ADGRF1: variants seen among roughly 807,000 people sequenced by gnomAD.
The protein encoded by ADGRF1 is G protein-coupled receptor 110.
In ADGRF1, 85 loss-of-function variants were observed where a neutral mutation model predicts 87.2. The ratio of observed to expected loss-of-function variants is 0.97; its 90% CI spans 0.82 to 1.17. The LOEUF (loss-of-function observed/expected upper bound fraction) is 1.17, where lower values mean the gene tolerates loss of function less well. Ranked by LOEUF, ADGRF1 falls within the 50% of genes most tolerant of loss-of-function variation. ADGRF1 has a pLI of 0.00. For synonymous variants in ADGRF1, 430 were observed against 408.8 expected, an observed-to-expected ratio of 1.05 and a Z score of -0.63; for missense variants, 1,169 against 1,077.2, an observed-to-expected ratio of 1.09 and a Z score of -1.19.
chr6:47,017,112 A>G (rs1779908088), intron 7 of ADGRF1: 1 of 152,850 alleles, frequency 6.5e-6, no homozygotes, highest in Admixed American at 6.5e-5. Flanking sequence ...TGCAAAGAAC[A>G]CTGGTGTGGA....
chr6:47,024,113 C>T lies in ADGRF1; in HGVS notation c.382G>A (p.Gly128Arg), dbSNP rs1366393358. 1.2e-6 allele frequency: 2 copies of T among 1,614,108 alleles called. No homozygotes were observed. Among genetic ancestry groups the T allele is most frequent in the South Asian group, 1.1e-5 (1 of 91,068 alleles). Residue 128 changes from glycine to arginine, a missense_variant, in exon 5 of 15, where the codon GGA (glycine) becomes AGA (arginine). Transcript: ENST00000371253. ...TGACATTCACAGCTTGGGAGTGCTC[C>T]AGCCGTGTGAAGGTAGCAGTTCTGG... Reference protein sequence around the residue: ...DPQNCYLHTAGALPSCECHLN... With the variant: ...DPQNCYLHTARALPSCECHLN...
rs528859542 is a variant in ADGRF1, at chr6:47,033,986, G to T, written c.-43-4882C>A. On this transcript the variant is annotated intron_variant, in intron 1 of 14. Coordinates refer to ENST00000371253, the MANE Select transcript of ADGRF1 (RefSeq NM_153840.4). ...AAAGTCATTTAAAATCTCAGGGAAG[G>T]TCTATATATATGTGTGCACAGTAAA... 4.6e-5 allele frequency among the ~76,000 whole-genome samples: 7 copies of T among 152,310 alleles called. No individual in the cohort carries two copies. The South Asian group carries it at 1.5e-3, about 32-fold the overall frequency.
intron 1 of ADGRF1, among the ~76,000 whole-genome samples, chr6:47,038,379 C>T (rs1288126933): frequency 6.6e-6 from 1 of 152,148 alleles, no homozygotes; most frequent in African/African-American, 2.4e-5. Context: ...AGTTTGCCAA[C>T]TATTTTTCCC....
chr6:47,008,522 A>C (rs1277341936), intron 11 of ADGRF1, among the ~76,000 whole-genome samples: 1 of 152,230 alleles, frequency 6.6e-6, no homozygotes, highest in Non-Finnish European at 1.5e-5. Flanking sequence ...TTTATTTACA[A>C]AAACAGGCTA....
chr6:47,020,690 C>G, intron 7 of ADGRF1, 41 bp downstream of exon 7: 4 of 1,605,264 alleles, frequency 2.5e-6, no homozygotes, highest in Non-Finnish European at 3.4e-6. Flanking sequence ...AACTGGTGCC[C>G]AATTCTGGGG....
chr6:47,037,132 A>G (rs750366105), intron 1 of ADGRF1, among the ~76,000 whole-genome samples: 4 of 152,220 alleles, frequency 2.6e-5, no homozygotes, highest in Non-Finnish European at 4.4e-5. Flanking sequence ...TGCCTGTTTC[A>G]TCACTCTATC....
intron 1 of ADGRF1, among the ~76,000 whole-genome samples, chr6:47,035,297 C>A (rs1224436470): frequency 1.3e-5 from 2 of 152,212 alleles, no homozygotes; most frequent in African/African-American, 2.4e-5. Flanking sequence ...AGGACCCAGT[C>A]TTCCTGTAAT....
Position 47,016,783 on chromosome 6 carries a change from G to T in ADGRF1, c.612-15C>A. ...TGCTTCCATTTCTGCAGTGATTATGGGGAAAGAGAAATGAGATTCACTACT... is the reference window on the plus strand; with the variant it reads ...TGCTTCCATTTCTGCAGTGATTATGTGGAAAGAGAAATGAGATTCACTACT... On this transcript the variant is annotated splice_polypyrimidine_tract_variant and intron_variant, in intron 7 of 14. Coordinates refer to ENST00000371253, the MANE Select transcript of ADGRF1 (RefSeq NM_153840.4). 1 of 1,561,276 alleles carries T rather than the reference G, an allele frequency of 6.4e-7. No individual in the cohort carries two copies. The highest frequency in any genetic ancestry group is 1.2e-5 in the South Asian group (1 of 85,300).
At chr6:47,025,767 G>T in intron 4 of ADGRF1, 87 bp downstream of exon 4, 1 of 1,154,994 alleles carries the variant, frequency 8.7e-7, no homozygotes, top group Non-Finnish European at 1.2e-6. Context: ...TTGTAGGGAT[G>T]ATTGTTTCCA....
chr6:47,022,804 C>CTTTTTTTTTTTTTTTTTT (rs11286179), intron 5 of ADGRF1, among the ~76,000 whole-genome samples: 5 of 119,276 alleles, frequency 4.2e-5, no homozygotes, highest in Non-Finnish European at 6.8e-5. Flanking sequence ...TTTCTTTTTT[C>CTTTTTTTTTTTTTTTTTT]TTTTTTTTTT....
intron 14 of ADGRF1, 96 bp downstream of exon 14, chr6:47,001,405 T>G: frequency 4.7e-5 from 46 of 982,686 alleles, no homozygotes; most frequent in Non-Finnish European, 6.2e-5. Context: ...ACTTCTCACA[T>G]GAGTTTCTTA....
At chr6:47,004,946 A>T (rs1334606546) in intron 13 of ADGRF1, among the ~76,000 whole-genome samples, 1 of 152,182 alleles carries the variant, frequency 6.6e-6, no homozygotes, top group East Asian at 1.9e-4. Flanking sequence ...TCTACTGAAA[A>T]ATGCAGACCA....
chr6:47,006,852 A>C (rs372879877), intron 12 of ADGRF1, among the ~76,000 whole-genome samples: 13 of 152,160 alleles, frequency 8.5e-5, no homozygotes, highest in African/African-American at 1.7e-4. Context: ...ACTGTTTAAA[A>C]CTCTACAAGT....
rs1221230277 is a variant in ADGRF1, at chr6:47,024,062, T to A, written c.433A>T (p.Asn145Tyr). The A allele has an allele frequency of 1.2e-6, 2 of 1,613,834 alleles. No individual in the cohort carries two copies. The highest frequency in any genetic ancestry group is 2.2e-5 in the South Asian group (2 of 90,996). Reference protein sequence around the residue: ...CHLNNLSQSVNFCERTKIWGT... With the variant: ...CHLNNLSQSVYFCERTKIWGT... ...TGCTTACTTGTTCTCTCACAGAAAT[T>A]GACACTCTGGCTGAGGTTGTTGAGA... Residue 145 changes from asparagine (N) to tyrosine (Y), a missense_variant, in exon 5 of 15, where the codon AAT becomes TAT. Physicochemically the swap from Asn to Tyr is moderately radical, Grantham distance 143 (BLOSUM62 -2). Coordinates refer to ENST00000371253, the MANE Select transcript of ADGRF1 (RefSeq NM_153840.4).
At chr6:47,034,983 C>T (rs1582193193) in intron 1 of ADGRF1, among the ~76,000 whole-genome samples, 2 of 152,224 alleles carry the variant, frequency 1.3e-5, no homozygotes, top group Non-Finnish European at 2.9e-5. Context: ...ATTTAGTCTG[C>T]GCTTTGCATC....
At chr6:47,017,931 T>A (rs1779930866) in intron 7 of ADGRF1, 1 of 155,292 alleles carries the variant, frequency 6.4e-6, no homozygotes, top group African/African-American at 2.4e-5. Flanking sequence ...TTTGAGCACA[T>A]AACTGTGTGC....
chr6:47,001,287 T>C (rs1390671184), intron 14 of ADGRF1, among the ~76,000 whole-genome samples: 1 of 152,244 alleles, frequency 6.6e-6, no homozygotes. Context: ...TGACATTACA[T>C]AAAGACACTC....
At chr6:47,023,931 C>T (rs1305041795) in intron 5 of ADGRF1, 113 bp downstream of exon 5, 9 of 929,006 alleles carry the variant, frequency 9.7e-6, no homozygotes, top group African/African-American at 8.3e-5. Flanking sequence ...CATCACTGTC[C>T]CTCAATCTCC....
At chr6:47,032,759 A>G (rs2113907324) in intron 1 of ADGRF1, among the ~76,000 whole-genome samples, 1 of 152,326 alleles carries the variant, frequency 6.6e-6, no homozygotes, top group East Asian at 1.9e-4. Flanking sequence ...CAACCTTACC[A>G]TCAGTTTTTA....
Sources: allele counts gnomAD v4.1 joint callset (sites outside exome capture counted in the v4.1 genomes callset), GRCh38; gene constraint gnomAD v4.1.1; transcripts MANE v1.5; gene names NCBI Gene and HGNC (gene_info 2026-07-23, HGNC 2026-07-21).